The following GAB1 variants were observed in gnomAD, a reference collection of about 807,000 sequenced individuals.
GAB1 encodes the protein GRB2-associated-binding protein 1.
A neutral mutation model predicts 66.5 loss-of-function variants in GAB1; 19 were observed. That is an observed-to-expected ratio of 0.29 (90% CI 0.20 to 0.42). GAB1 has a LOEUF of 0.42. GAB1 is among the 10% of genes least tolerant of loss of function. GAB1 has a pLI of 1.00. For missense variants in GAB1, 732 were observed against 858.5 expected, an observed-to-expected ratio of 0.85 and a Z score of 1.84; for synonymous variants, 294 against 301.4, an observed-to-expected ratio of 0.98 and a Z score of 0.25.
intron 2 of GAB1, among the ~76,000 whole-genome samples, chr4:143,421,398 C>A (rs1275642614): frequency 1.3e-5 from 2 of 151,992 alleles, no homozygotes; most frequent in Non-Finnish European, 2.9e-5. Flanking sequence ...ACACTTAGTT[C>A]TTTTGTGTAT....
chr4:143,427,594 T>C (rs576024494), intron 2 of GAB1, among the ~76,000 whole-genome samples: 1 of 151,878 alleles, frequency 6.6e-6, no homozygotes, highest in Non-Finnish European at 1.5e-5. Context: ...CATGTCAGGC[T>C]TCTGTGTTCC....
At chr4:143,425,643 CTCTACT>C (rs1427259308) in intron 2 of GAB1, 1 of 761,342 alleles carries the variant, frequency 1.3e-6, no homozygotes, top group Non-Finnish European at 2.4e-6. Flanking sequence ...CATGCCTGAA[CTCTACT>C]TCTACAGAGA....
chr4:143,395,804 T>C (rs1028173744), intron 1 of GAB1: 17 of 443,982 alleles, frequency 3.8e-5, no homozygotes, highest in Admixed American at 3.3e-4. Flanking sequence ...TCCCTCCACA[T>C]ACCCTTTCTA....
chr4:143,404,917 T>C (rs760226148), intron 1 of GAB1, among the ~76,000 whole-genome samples: 69 of 152,328 alleles, frequency 4.5e-4, no homozygotes, highest in Non-Finnish European at 9.4e-4. Context: ...AGCACAGCCA[T>C]TTCCATTATC....
In GAB1 at chr4:143,428,156, G is replaced by C. The variant is rs112910979; in HGVS notation, c.368-5335G>C. Among the ~76,000 whole-genome samples, 1,511 of 152,278 alleles carry C rather than the reference G, an allele frequency of 9.9e-3. 30 individuals are homozygous for C. Among genetic ancestry groups the C allele is most frequent in the African/African-American group, 0.034 (1,407 of 41,548 alleles). ...GTGAAAGGAGAAGCCTGGCTTAATC[G>C]GTAGGGATAAGTCACACTCACCTGA... is the stretch of plus-strand genomic sequence containing the variant. On this transcript the variant is annotated intron_variant, in intron 2 of 9. Transcript: ENST00000262994.
At chr4:143,368,916 C>G (rs1729998887) in intron 1 of GAB1, among the ~76,000 whole-genome samples, 2 of 152,136 alleles carry the variant, frequency 1.3e-5, no homozygotes, top group South Asian at 4.1e-4. Context: ...TCCCGAGTAG[C>G]TGAGATTACA....
At chr4:143,386,906 A>G (rs1337720831) in intron 1 of GAB1, among the ~76,000 whole-genome samples, 1 of 152,190 alleles carries the variant, frequency 6.6e-6, no homozygotes, top group Non-Finnish European at 1.5e-5. Flanking sequence ...AACCTAAAGT[A>G]TTTATTATCT....
At chr4:143,457,918 T>C (rs1368675671) in intron 6 of GAB1, 24 of 575,296 alleles carry the variant, frequency 4.2e-5, no homozygotes, top group Non-Finnish European at 7.2e-5. Flanking sequence ...AAGTGAATGC[T>C]TCCCATAATA....
intron 1 of GAB1, among the ~76,000 whole-genome samples, chr4:143,409,509 GA>G (rs201850203): frequency 0.014 from 2,002 of 139,374 alleles, 39 homozygotes; most frequent in East Asian, 0.11. Context: ...GTTGCAGATA[GA>G]AAAAAAAAAA....
chr4:143,362,275 T>G (rs2149657924), intron 1 of GAB1, among the ~76,000 whole-genome samples: 1 of 152,322 alleles, frequency 6.6e-6, no homozygotes, highest in South Asian at 2.1e-4. Flanking sequence ...TTCTCAGTAT[T>G]TTCGTAATAG....
chr4:143,444,793 T>C (rs1578726594), intron 6 of GAB1, among the ~76,000 whole-genome samples: 1 of 152,116 alleles, frequency 6.6e-6, no homozygotes, highest in South Asian at 2.1e-4. Context: ...TAGTACCCAG[T>C]GTCTGTTGTT....
intron 1 of GAB1, among the ~76,000 whole-genome samples, chr4:143,364,868 CTTTTTTTTT>C (rs745401852): frequency 2.3e-5 from 2 of 86,770 alleles, no homozygotes; most frequent in South Asian, 3.6e-4. Flanking sequence ...CCTGCATCTA[CTTTTTTTTT>C]TTTTTTTTTT....
rs1736126554 is a variant in GAB1, at chr4:143,472,469, G to A, written c.*3280G>A. 1 of 151,996 alleles carries A rather than the reference G, an allele frequency of 6.6e-6. No individual in the cohort carries two copies. The highest frequency in any genetic ancestry group is 2.4e-5 in the African/African-American group (1 of 41,388). 9.4% of individuals were successfully genotyped at this position (151,996 alleles called of 1,614,324 possible). ...AGTGTTTTTCTTTTTCTACTTATGG[G>A]AAGTTGTCTGCTTCCCCCTTTAGAG... On this transcript the variant is annotated 3_prime_UTR_variant, in exon 10 of 10. Transcript: ENST00000262994.
Position 143,466,099 on chromosome 4 carries a change from T to C in GAB1, c.1804-4T>C. ...CCGTTGATTTTGTTGTCTAATACTTTCAGAATCTCTTTGGCAGTAACAGTC... is the reference window on the plus strand; with the variant it reads ...CCGTTGATTTTGTTGTCTAATACTTCCAGAATCTCTTTGGCAGTAACAGTC... On this transcript the variant is annotated splice_polypyrimidine_tract_variant and splice_region_variant and intron_variant, in intron 8 of 9. Coordinates refer to ENST00000262994, the MANE Select transcript of GAB1 (RefSeq NM_002039.4). 6.2e-7 allele frequency: 1 copy of C among 1,613,374 alleles called. No individual in the cohort carries two copies. The highest frequency in any genetic ancestry group is 8.5e-7 in the Non-Finnish European group (1 of 1,179,524).
At position 143,438,936 on chromosome 4, in the gene GAB1, C is replaced by T. The variant is rs566344164; in HGVS notation, c.1195+336C>T. 6.6e-5 allele frequency among the ~76,000 whole-genome samples: 10 copies of T among 152,216 alleles called. No homozygotes were observed. The South Asian group carries it at 8.3e-4, about 13-fold the overall frequency. ...AAATGGACCAGCCACAAAGCCTCTC[C>T]GAGTCATACCCTTTCCTGTATTTGT... On this transcript the variant is annotated intron_variant, in intron 4 of 9. Coordinates refer to ENST00000262994, the MANE Select transcript of GAB1 (RefSeq NM_002039.4).
At chr4:143,381,871 CT>C (rs1276066505) in intron 1 of GAB1, 2 of 152,168 alleles carry the variant, frequency 1.3e-5, no homozygotes, top group African/African-American at 4.8e-5. Context: ...CTCTGTATGG[CT>C]TTTGTTATTA....
intron 6 of GAB1, among the ~76,000 whole-genome samples, chr4:143,446,150 T>C (rs1052031313): frequency 2.4e-4 from 36 of 152,074 alleles, no homozygotes; most frequent in African/African-American, 8.2e-4. Context: ...TGCATAGTAT[T>C]CCATGGTGTA....
intron 2 of GAB1, among the ~76,000 whole-genome samples, chr4:143,420,130 G>GT (rs1246846436): frequency 6.6e-6 from 1 of 152,044 alleles, no homozygotes; most frequent in Non-Finnish European, 1.5e-5. Flanking sequence ...AATAATAGTT[G>GT]TTTTTGTTTT....
chr4:143,356,477 C>A (rs201161385), intron 1 of GAB1, among the ~76,000 whole-genome samples: 2 of 151,942 alleles, frequency 1.3e-5, no homozygotes, highest in Non-Finnish European at 2.9e-5. Context: ...CTTTCATACC[C>A]ATAGAGGAAT....
Sources: allele counts gnomAD v4.1 joint callset (sites outside exome capture counted in the v4.1 genomes callset), GRCh38; gene constraint gnomAD v4.1.1; transcripts MANE v1.5; gene names NCBI Gene and HGNC (gene_info 2026-07-23, HGNC 2026-07-21).